ZNF462: variants seen among roughly 807,000 people sequenced by gnomAD.
The protein encoded by ZNF462 is zinc finger protein 462.
ZNF462 carries 10 observed loss-of-function variants against 201.9 expected under a neutral mutation model. The observed-to-expected ratio is 0.05, with a 90% CI of 0.03 to 0.08. The LOEUF (loss-of-function observed/expected upper bound fraction) is 0.08, where lower values mean the gene tolerates loss of function less well. Among genes scored for constraint, ZNF462 ranks in the 10% least tolerant of loss-of-function variants. ZNF462 has a pLI of 1.00. For synonymous variants in ZNF462, 1,227 were observed against 1,193.3 expected, an observed-to-expected ratio of 1.03 and a Z score of -0.58; for missense variants, 2,523 against 3,168.3, an observed-to-expected ratio of 0.80 and a Z score of 4.89.
At chr9:106,967,874 T>C (rs1832151511) in intron 7 of ZNF462, among the ~76,000 whole-genome samples, 1 of 152,216 alleles carries the variant, frequency 6.6e-6, no homozygotes, top group Admixed American at 6.5e-5. Flanking sequence ...CTTTCTCTTT[T>C]TGAGTCTTGC....
intron 7 of ZNF462, among the ~76,000 whole-genome samples, chr9:106,940,872 G>A (rs138215127): frequency 7.6e-4 from 116 of 152,266 alleles, no homozygotes; most frequent in African/African-American, 2.5e-3. Flanking sequence ...ACCAGGAAAG[G>A]TTGGTATATT....
rs746775217 is a variant in ZNF462 at position 106,927,157 on chromosome 9, C to T, written c.3245C>T (p.Ser1082Leu). ...VDRGSALSQL[S>L]FEVGAPMSPK... The stretch of plus-strand genomic sequence containing the variant: ...AGGGGCTCTGCCCTTTCTCAATTAT[C>T]ATTTGAGGTGGGTGCTCCAATGTCT... Residue 1082 changes from serine to leucine, a missense_variant, in exon 3 of 13, where the codon TCA becomes TTA. Ser to Leu is a moderately radical substitution (Grantham distance 145, BLOSUM62 -2). Transcript: ENST00000277225. 1.4e-5 allele frequency: 22 copies of T among 1,614,098 alleles called. No individual in the cohort carries two copies. Among genetic ancestry groups the T allele is most frequent in the Non-Finnish European group, 1.9e-5 (22 of 1,180,014 alleles).
intron 10 of ZNF462, among the ~76,000 whole-genome samples, chr9:106,994,578 T>C (rs1196578642): frequency 6.6e-6 from 1 of 152,162 alleles, no homozygotes; most frequent in African/African-American, 2.4e-5. Flanking sequence ...TTCTGCAAGC[T>C]GAAGGCTTCT....
intron 1 of ZNF462, among the ~76,000 whole-genome samples, chr9:106,864,856 A>G (rs1185768492): frequency 6.6e-6 from 1 of 152,062 alleles, no homozygotes; most frequent in Admixed American, 6.5e-5. Flanking sequence ...GGAGGAAGTG[A>G]CTAGTTTGGT....
chr9:106,930,816 T>C lies in ZNF462; in HGVS notation c.6012+127T>C, dbSNP rs893594384. 1 of 1,203,092 alleles carries C rather than the reference T, an allele frequency of 8.3e-7. No homozygotes were observed. The highest frequency in any genetic ancestry group is 1.5e-5 in the African/African-American group (1 of 65,894). 74.5% of individuals were successfully genotyped at this position (1,203,092 alleles called of 1,614,324 possible). ...GGGCATTCCTGAATTATGCTTGGAT[T>C]GGTTTGGCTTGTTTTGATTTCTTTG... On this transcript the variant is annotated intron_variant, in intron 4 of 12. Transcript: ENST00000277225. The surrounding 1 kb of genome is among the most constrained non-coding windows in gnomAD (Gnocchi z 5.8).
intron 1 of ZNF462, among the ~76,000 whole-genome samples, chr9:106,889,426 G>A (rs1045664467): frequency 2.0e-5 from 3 of 152,108 alleles, no homozygotes; most frequent in African/African-American, 7.2e-5. Context: ...GTATAGGTAC[G>A]GGGGAGTCTG....
At position 106,928,081 on chromosome 9, in the gene ZNF462, C is replaced by T. The variant is rs1224818828; in HGVS notation, c.4169C>T (p.Ala1390Val). 1 of 1,614,188 alleles carries T rather than the reference C, an allele frequency of 6.2e-7. No individual in the cohort carries two copies. Among genetic ancestry groups the T allele is most frequent in the Non-Finnish European group, 8.5e-7 (1 of 1,180,032 alleles). The change falls in exon 3 of 13, where the codon GCA (alanine) becomes GTA (valine). Residue 1390 changes from alanine to valine, a missense_variant. By Grantham distance (64) the Ala-to-Val change is moderately conservative (BLOSUM62 0). Transcript: ENST00000277225. This position sits in a 1 kb window ranked among gnomAD's most constrained non-coding sequence, Gnocchi z 9.3. ...SIWDITNHYQ[A>V]FHPWAMNGDE... ...TGGGACATCACTAATCACTACCAAG[C>T]ATTCCACCCCTGGGCCATGAATGGT... is the stretch of plus-strand genomic sequence containing the variant.
In ZNF462 at chr9:106,984,455, A is replaced by C. The variant is rs759732070; in HGVS notation, c.7056+46A>C. On this transcript the variant is annotated intron_variant, in intron 10 of 12. Transcript: ENST00000277225. This position sits in a 1 kb window ranked among gnomAD's most constrained non-coding sequence, Gnocchi z 6.4. ...CTCCCGCCTCAGCACACTTGTGGGG[A>C]GGGGCCAAGGGGGAGACACCACTGC... 1.3e-6 allele frequency: 2 copies of C among 1,488,694 alleles called. No individual in the cohort carries two copies. The highest frequency in any genetic ancestry group is 3.7e-5 in the Admixed American group (2 of 54,284). The allele number at this position is 1,488,694 out of a possible 1,614,324, so 92.2% of individuals were successfully genotyped here.
intron 7 of ZNF462, among the ~76,000 whole-genome samples, chr9:106,949,460 T>C (rs1458713614): frequency 6.6e-6 from 1 of 152,234 alleles, no homozygotes; most frequent in East Asian, 1.9e-4. Flanking sequence ...CCATCCCATG[T>C]TACTGCACTT....
intron 1 of ZNF462, among the ~76,000 whole-genome samples, chr9:106,908,398 T>A (rs117410736): frequency 0.021 from 3,130 of 152,260 alleles, 46 homozygotes; most frequent in Non-Finnish European, 0.03. Context: ...ACTTTTACAT[T>A]ATTAAGTGTT....
chr9:106,929,519 C>T lies in ZNF462; in HGVS notation c.5607C>T (p.His1869=), dbSNP rs762918768. Residue 1869 remains histidine (H), a synonymous_variant, in exon 3 of 13, where the codon CAC becomes CAT. Coordinates refer to ENST00000277225, the MANE Select transcript of ZNF462 (RefSeq NM_021224.6). The surrounding 1 kb of genome is among the most constrained non-coding windows in gnomAD (Gnocchi z 8.7). ...TGCTGTGCATGCATTACACTGACCA[C>T]CACAGTCGGGACCTAAAGAGGGACT... is the stretch of plus-strand genomic sequence containing the variant. ...AELLCMHYTD[H]HSRDLKRDFI... 1.2e-6 allele frequency: 2 copies of T among 1,614,194 alleles called. No individual in the cohort carries two copies. The highest frequency in any genetic ancestry group is 4.5e-5 in the East Asian group (2 of 44,870).
At chr9:106,958,904 A>G (rs575978006) in intron 7 of ZNF462, among the ~76,000 whole-genome samples, 2 of 152,264 alleles carry the variant, frequency 1.3e-5, no homozygotes, top group South Asian at 2.1e-4. Flanking sequence ...GGCCAAGCCT[A>G]TCAATTGGAT....
intron 7 of ZNF462, 82 bp from the exon 8 acceptor site, chr9:106,971,922 GA>G: frequency 6.6e-7 from 1 of 1,508,430 alleles, no homozygotes; most frequent in Non-Finnish European, 8.9e-7. Context: ...AGGGTAAAAA[GA>G]AACCTGATGT....
Position 106,871,799 on chromosome 9 carries a change from A to G in ZNF462, c.-31+8444A>G, listed in dbSNP as rs547153027. Among the ~76,000 whole-genome samples the G allele has an allele frequency of 2.0e-5, 3 of 152,370 alleles. No homozygotes were observed. In the South Asian group the frequency reaches 6.2e-4, roughly 32 times the overall value. ...ACGAACGAAGTAGAGAATAGAGCAC[A>G]GCAGAAAACAGCTGCATTATTAATG... is the stretch of plus-strand genomic sequence containing the variant. On this transcript the variant is annotated intron_variant, in intron 1 of 12. Coordinates refer to ENST00000277225, the MANE Select transcript of ZNF462 (RefSeq NM_021224.6).
In ZNF462 at chr9:106,988,706, G is replaced by A. The variant is rs141418105; in HGVS notation, c.7056+4297G>A. On this transcript the variant is annotated intron_variant, in intron 10 of 12. Transcript: ENST00000277225. ...GTTTCCATTTGTTTGTGTCGTCTACGATTTCTTTCAGCAGTGTTTTGTAGT... is the reference window on the plus strand; with the variant it reads ...GTTTCCATTTGTTTGTGTCGTCTACAATTTCTTTCAGCAGTGTTTTGTAGT... Among the ~76,000 whole-genome samples, 496 of 152,172 alleles carry A rather than the reference G, an allele frequency of 3.3e-3. 3 individuals carry two copies. Among genetic ancestry groups the A allele is most frequent in the African/African-American group, 0.01 (431 of 41,540 alleles).
intron 10 of ZNF462, among the ~76,000 whole-genome samples, chr9:106,987,498 AC>A (rs2132327805): frequency 6.6e-6 from 1 of 152,018 alleles, no homozygotes; most frequent in South Asian, 2.1e-4. Flanking sequence ...TCCTTAGCCC[AC>A]TTTTTCATGA....
Position 106,925,567 on chromosome 9 carries a change from C to G in ZNF462, c.1655C>G (p.Pro552Arg). The G allele has an allele frequency of 1.2e-6, 2 of 1,612,590 alleles. No homozygotes were observed. The highest frequency in any genetic ancestry group is 1.7e-6 in the Non-Finnish European group (2 of 1,179,296). ...CAGCCACCACCACCGCCGCCGCCAC[C>G]ACCACCATCACAGCCACAGCCACTG... ...PPQPPPPPPP[P>R]PPSQPQPLQQ... Residue 552 changes from proline to arginine, a missense_variant, in exon 3 of 13, where the codon CCA becomes CGA. This residue lies in a region of ZNF462 where 383 missense variants were observed against 453.4 expected (regional missense o/e 0.84). Transcript: ENST00000277225. This position sits in a 1 kb window ranked among gnomAD's most constrained non-coding sequence, Gnocchi z 7.9.
intron 1 of ZNF462, among the ~76,000 whole-genome samples, chr9:106,893,778 AT>A: frequency 6.6e-6 from 1 of 152,130 alleles, no homozygotes; most frequent in Non-Finnish European, 1.5e-5. Flanking sequence ...TGTTATTTCT[AT>A]TTAGCATATG....
chr9:106,984,145 C>A lies in ZNF462; in HGVS notation c.6833-41C>A. 6.4e-7 allele frequency: 1 copy of A among 1,552,846 alleles called. No homozygotes were observed. Among genetic ancestry groups the A allele is most frequent in the Non-Finnish European group, 8.8e-7 (1 of 1,136,434 alleles). ...AAAGAAAGAACTTCTGTTTTGCCAT[C>A]AGTAAAAATTCCCATCTTTCCATTC... On this transcript the variant is annotated intron_variant, in intron 9 of 12. Transcript: ENST00000277225. This position sits in a 1 kb window ranked among gnomAD's most constrained non-coding sequence, Gnocchi z 6.4.
Sources: gnomAD v4.1 joint callset for allele counts (sites outside exome capture counted in the v4.1 genomes callset) on GRCh38, gnomAD v4.1.1 for gene constraint, gnomAD v4.1.1 regional missense constraint, Gnocchi (gnomAD v3.1) non-coding constraint, MANE v1.5 for transcripts, NCBI Gene and HGNC (gene_info 2026-07-23, HGNC 2026-07-21) for gene names.